ERC2: variants seen among roughly 807,000 people sequenced by gnomAD.
The protein encoded by ERC2 is ERC protein 2.
In ERC2, 42 loss-of-function variants were observed where a neutral mutation model predicts 114.8. That is an observed-to-expected ratio of 0.37 (90% CI 0.29 to 0.47). The LOEUF is 0.47. Ranked by LOEUF, ERC2 falls within the 20% of genes least tolerant of loss-of-function variation. The pLI is 0.99. For synonymous variants in ERC2, 454 were observed against 425.5 expected, an observed-to-expected ratio of 1.07 and a Z score of -0.82; for missense variants, 939 against 1,150.7, an observed-to-expected ratio of 0.82 and a Z score of 2.66.
intron 14 of ERC2, among the ~76,000 whole-genome samples, chr3:55,762,779 T>A (rs1469230286): frequency 1.3e-5 from 2 of 152,140 alleles, no homozygotes. Context: ...AAGAAAAGCC[T>A]ACAAAAGAGA....
At chr3:56,369,822 G>A (rs1381428663) in intron 2 of ERC2, among the ~76,000 whole-genome samples, 3 of 152,068 alleles carry the variant, frequency 2.0e-5, no homozygotes, top group African/African-American at 7.2e-5. Context: ...GACTACAGGT[G>A]CACGCCATCA....
At chr3:55,608,811 C>T (rs958793189) in intron 17 of ERC2, among the ~76,000 whole-genome samples, 1 of 152,158 alleles carries the variant, frequency 6.6e-6, no homozygotes, top group Non-Finnish European at 1.5e-5. Flanking sequence ...CAATCATTGA[C>T]CTCAGAGGAT....
At chr3:55,687,962 A>G (rs2062424369) in intron 16 of ERC2, among the ~76,000 whole-genome samples, 1 of 152,216 alleles carries the variant, frequency 6.6e-6, no homozygotes, top group South Asian at 2.1e-4. Flanking sequence ...GGTCAAGTCC[A>G]AACCTTCCCT....
intron 2 of ERC2, among the ~76,000 whole-genome samples, chr3:56,309,863 C>T (rs1177681365): frequency 6.6e-6 from 1 of 152,144 alleles, no homozygotes; most frequent in African/African-American, 2.4e-5. Context: ...TTCTGTCCTC[C>T]CTCCTCCGAT....
chr3:55,929,087 C>A (rs1490574232), intron 13 of ERC2, among the ~76,000 whole-genome samples: 2 of 152,162 alleles, frequency 1.3e-5, no homozygotes. Flanking sequence ...ACCAAGATCC[C>A]TCTTCCTCAG....
At chr3:55,861,462 C>T (rs2062025200) in intron 14 of ERC2, among the ~76,000 whole-genome samples, 1 of 152,174 alleles carries the variant, frequency 6.6e-6, no homozygotes, top group Non-Finnish European at 1.5e-5. Flanking sequence ...GCAAATCCTC[C>T]AAAACAGAGA....
At chr3:56,424,688 G>A (rs2061501739) in intron 2 of ERC2, among the ~76,000 whole-genome samples, 2 of 152,140 alleles carry the variant, frequency 1.3e-5, no homozygotes, top group African/African-American at 4.8e-5. Context: ...CATCTAAGTA[G>A]GTCATCATCT....
At chr3:56,128,974 T>C (rs746833990) in intron 6 of ERC2, among the ~76,000 whole-genome samples, 55 of 152,230 alleles carry the variant, frequency 3.6e-4, no homozygotes, top group Non-Finnish European at 2.4e-4. Flanking sequence ...TAAGAAATCA[T>C]CTACGTTTGA....
At chr3:56,351,048 G>C (rs1024999522) in intron 2 of ERC2, among the ~76,000 whole-genome samples, 8 of 152,112 alleles carry the variant, frequency 5.3e-5, no homozygotes, top group Non-Finnish European at 8.8e-5. Context: ...GCCTGCCCTG[G>C]GGTGGAGGAG....
chr3:56,331,829 TC>T (rs1268750708), intron 2 of ERC2, among the ~76,000 whole-genome samples: 1 of 152,116 alleles, frequency 6.6e-6, no homozygotes, highest in African/African-American at 2.4e-5. Flanking sequence ...ACCTCCTCAC[TC>T]TCCCCCGTCA....
intron 13 of ERC2, among the ~76,000 whole-genome samples, chr3:55,908,305 T>G (rs1336592358): frequency 6.6e-6 from 1 of 152,230 alleles, no homozygotes; most frequent in Non-Finnish European, 1.5e-5. Flanking sequence ...AGGCCACATC[T>G]GGATCATGAA....
At chr3:56,295,828 T>A (rs2055393469) in intron 3 of ERC2, among the ~76,000 whole-genome samples, 191 bp downstream of exon 3, 1 of 152,218 alleles carries the variant, frequency 6.6e-6, no homozygotes. Context: ...AATAATGGAA[T>A]GCATGTGCAG....
intron 12 of ERC2, among the ~76,000 whole-genome samples, chr3:55,978,333 A>G (rs1388880266): frequency 6.6e-6 from 1 of 152,266 alleles, no homozygotes; most frequent in Non-Finnish European, 1.5e-5. Flanking sequence ...TTCAATAAGC[A>G]TAAGTTCATT....
intron 3 of ERC2, among the ~76,000 whole-genome samples, chr3:56,288,501 G>A (rs768588672): frequency 5.3e-5 from 8 of 152,034 alleles, no homozygotes; most frequent in South Asian, 2.1e-4. Context: ...CTCTGTTACC[G>A]TAAAAAGCAG....
chr3:56,267,785 A>G (rs1480206793), intron 3 of ERC2, among the ~76,000 whole-genome samples: 1 of 152,168 alleles, frequency 6.6e-6, no homozygotes, highest in Non-Finnish European at 1.5e-5. Flanking sequence ...TCTCAAAAAC[A>G]AAACAAAACA....
chr3:55,707,006 A>G (rs1165655926), intron 15 of ERC2, among the ~76,000 whole-genome samples: 1 of 152,362 alleles, frequency 6.6e-6, no homozygotes, highest in East Asian at 1.9e-4. Context: ...AAGAGAGGGA[A>G]GAATGTCTTC....
chr3:56,351,610 G>A (rs1168432055), intron 2 of ERC2, among the ~76,000 whole-genome samples: 1 of 152,228 alleles, frequency 6.6e-6, no homozygotes, highest in Non-Finnish European at 1.5e-5. Context: ...CACACTTGAA[G>A]TGACAGATGT....
At chr3:56,264,977 C>T (rs2316894) in intron 3 of ERC2, among the ~76,000 whole-genome samples, 103,169 of 152,018 alleles carry the variant, frequency 0.68, 36,218 homozygotes, top group Non-Finnish European at 0.76. Context: ...AATGGTAAGA[C>T]ATCCCATGTT....
At chr3:56,183,004 T>A (rs1164154526) in intron 3 of ERC2, among the ~76,000 whole-genome samples, 4 of 152,196 alleles carry the variant, frequency 2.6e-5, no homozygotes, top group Admixed American at 2.6e-4. Flanking sequence ...ACCTTCTCAA[T>A]CTTTGACCAA....
Sources: gnomAD v4.1 joint callset for allele counts (sites outside exome capture counted in the v4.1 genomes callset) on GRCh38, gnomAD v4.1.1 for gene constraint, MANE v1.5 for transcripts, NCBI Gene and HGNC (gene_info 2026-07-23, HGNC 2026-07-21) for gene names.